Variants in CHRD observed in about 807,000 individuals in gnomAD.
CHRD encodes the protein chordin.
In CHRD, 69 loss-of-function variants were observed where a neutral mutation model predicts 113.7. That is an observed-to-expected ratio of 0.61 (90% CI 0.50 to 0.74). The LOEUF (loss-of-function observed/expected upper bound fraction) is 0.74, where lower values mean the gene tolerates loss of function less well. CHRD is among the 30% of genes least tolerant of loss of function. The probability of loss-of-function intolerance (pLI) is 0.00; values close to 1 mark genes in which losing one functional copy is unlikely to be tolerated. For missense variants in CHRD, 1,194 were observed against 1,295.8 expected (o/e 0.92, Z 1.21); for synonymous variants, 561 against 540.8 (o/e 1.04, Z -0.52).
exon 14 of CHRD, chr3:184,385,125 G>A: frequency 6.2e-7 from 1 of 1,614,204 alleles, no homozygotes; most frequent in South Asian, 1.1e-5. Context: ...GCACTATGAA[G>A]TGCTGCTGGC....
At chr3:184,389,613 G>T (rs1378097836) in exon 23 of CHRD, 3 of 583,782 alleles carry the variant, frequency 5.1e-6, no homozygotes, top group African/African-American at 1.9e-5. Flanking sequence ...GCCAGACCGA[G>T]GTCACAGCCA....
In CHRD at chr3:184,381,463, C is replaced by CTGAA. The variant is rs1715391970; in HGVS notation, c.383-32_383-29dup. 3 of 1,588,938 alleles carry CTGAA rather than the reference C, an allele frequency of 1.9e-6. No individual in the cohort carries two copies. Among genetic ancestry groups the CTGAA allele is most frequent in the Non-Finnish European group, 2.6e-6 (3 of 1,167,846 alleles). On this transcript the variant is annotated intron_variant, in intron 3 of 22. Coordinates refer to ENST00000204604, the Ensembl canonical transcript of CHRD. The surrounding 1 kb of genome is among the most constrained non-coding windows in gnomAD (Gnocchi z 4.7). ...TCGGACTGGCCTTTCCCATGGCCAGCTGAAGCCCGTGTTCTTACCCCCCCG... is the reference window on the plus strand; with the variant it reads ...TCGGACTGGCCTTTCCCATGGCCAGCTGAATGAAGCCCGTGTTCTTACCCCCCCG...
chr3:184,385,209 C>T (rs760703245), exon 14 of CHRD: 144 of 1,613,706 alleles, frequency 8.9e-5, no homozygotes, highest in Non-Finnish European at 1.1e-4. Context: ...AGGGCCTCGG[C>T]GGCTGCTGAA....
chr3:184,385,934 A>G (rs79419884), intron 14 of CHRD, 112 bp from the exon 15 acceptor site: 132,014 of 1,105,698 alleles, frequency 0.12, 8,993 homozygotes, highest in Admixed American at 0.26. Context: ...CTTTGCTACC[A>G]TGAAGACTTT....
Position 184,387,288 on chromosome 3 carries a change from G to A in CHRD, c.2348-86G>A. On this transcript the variant is annotated intron_variant, in intron 18 of 22. Coordinates refer to ENST00000204604, the Ensembl canonical transcript of CHRD. The surrounding 1 kb of genome is among the most constrained non-coding windows in gnomAD (Gnocchi z 6.1). Reference sequence around the variant, plus strand: ...AGGTGGGCCCTTGGCTTAGGCTCGTGTGGGGGTGGCCTGAGGCTCAAGCCT... The same window carrying A: ...AGGTGGGCCCTTGGCTTAGGCTCGTATGGGGGTGGCCTGAGGCTCAAGCCT... The A allele has an allele frequency of 1.4e-6, 2 of 1,477,276 alleles. No individual in the cohort carries two copies. The highest frequency in any genetic ancestry group is 1.8e-6 in the Non-Finnish European group (2 of 1,084,904). The allele number at this position is 1,477,276 out of a possible 1,614,324, so 91.5% of individuals were successfully genotyped here. A position where few individuals can be genotyped will look rare whatever the true frequency, so the allele number is the denominator to read the frequency against.
At position 184,384,480 on chromosome 3, in the gene CHRD, CT is replaced by C. The variant is rs1715972715; in HGVS notation, c.1441-55del. ...AGTGGGGGCACAAAATGGTCCAAGA[CT>C]TCAGAACCTTGGACTCGTGTGAGAG... On this transcript the variant is annotated intron_variant, in intron 12 of 22. Coordinates refer to ENST00000204604, the Ensembl canonical transcript of CHRD. This position sits in a 1 kb window ranked among gnomAD's most constrained non-coding sequence, Gnocchi z 4.4. 7.1e-7 allele frequency: 1 copy of C among 1,413,720 alleles called. No individual in the cohort carries two copies. 87.6% of individuals were successfully genotyped at this position (1,413,720 alleles called of 1,614,324 possible). A position where few individuals can be genotyped will look rare whatever the true frequency, so the allele number is the denominator to read the frequency against.
rs1348394288 is a variant in CHRD, at chr3:184,384,805, A to C, written c.1597+112A>C. 7.1e-7 allele frequency: 1 copy of C among 1,400,176 alleles called. No homozygotes were observed. The highest frequency in any genetic ancestry group is 9.5e-7 in the Non-Finnish European group (1 of 1,050,832). The allele number at this position is 1,400,176 out of a possible 1,614,324, so 86.7% of individuals were successfully genotyped here. On this transcript the variant is annotated intron_variant, in intron 13 of 22. Transcript: ENST00000204604. This position sits in a 1 kb window ranked among gnomAD's most constrained non-coding sequence, Gnocchi z 4.4. ...TCTTTGTGCCTAAGCTCCGGTTGCC[A>C]TCTGAAGGTGGGGACATATAGGGTG...
chr3:184,386,851 A>T (rs746802637), exon 17 of CHRD: 1 of 1,614,114 alleles, frequency 6.2e-7, no homozygotes, highest in Non-Finnish European at 8.5e-7. Context: ...GCAGAGACGA[A>T]CGGTGATCTG....
chr3:184,387,653 G>C lies in CHRD; in HGVS notation c.2451+176G>C, dbSNP rs1345315220. Among the ~76,000 whole-genome samples the C allele has an allele frequency of 6.6e-6, 1 of 152,194 alleles. No individual in the cohort carries two copies. The highest frequency in any genetic ancestry group is 2.4e-5 in the African/African-American group (1 of 41,444). Reference sequence around the variant, plus strand: ...TTCCTGTGGGAAAATGAACAGGGCTGACCTGGGTGTGGATTCTGGCTCTGC... The same window carrying C: ...TTCCTGTGGGAAAATGAACAGGGCTCACCTGGGTGTGGATTCTGGCTCTGC... On this transcript the variant is annotated intron_variant, in intron 19 of 22. Transcript: ENST00000204604. The surrounding 1 kb of genome is among the most constrained non-coding windows in gnomAD (Gnocchi z 6.1).
chr3:184,380,699 C>G lies in CHRD; in HGVS notation c.156C>G (p.Thr52=). ...CCAAGCCCGTCCCCGCAGGCTGCAC[C>G]TTCGGCGGGAAGGTCTATGCCTTGG... Residue 52 remains threonine, a synonymous_variant, in exon 2 of 23, where the codon ACC becomes ACG. Coordinates refer to ENST00000204604, the Ensembl canonical transcript of CHRD. The surrounding 1 kb of genome is among the most constrained non-coding windows in gnomAD (Gnocchi z 6.3). 1 of 1,587,478 alleles carries G rather than the reference C, an allele frequency of 6.3e-7. No homozygotes were observed. The highest frequency in any genetic ancestry group is 1.4e-5 in the African/African-American group (1 of 72,426).
exon 14 of CHRD, chr3:184,385,145 T>C: frequency 6.2e-7 from 1 of 1,614,128 alleles, no homozygotes; most frequent in Non-Finnish European, 8.5e-7. Context: ...CTGGGCTTGG[T>C]GGCTCAGAAC....
In CHRD at chr3:184,387,634, T is replaced by C. The variant is rs190788753; in HGVS notation, c.2451+157T>C. Among the ~76,000 whole-genome samples, 1 of 152,182 alleles carries C rather than the reference T, an allele frequency of 6.6e-6. No individual in the cohort carries two copies. Among genetic ancestry groups the C allele is most frequent in the East Asian group, 1.9e-4 (1 of 5,170 alleles). On this transcript the variant is annotated intron_variant, in intron 19 of 22. Coordinates refer to ENST00000204604, the Ensembl canonical transcript of CHRD. This position sits in a 1 kb window ranked among gnomAD's most constrained non-coding sequence, Gnocchi z 6.1. ...TTGCGCTCTGAGAGTCGGCTTCCTG[T>C]GGGAAAATGAACAGGGCTGACCTGG... is the stretch of plus-strand genomic sequence containing the variant.
intron 6 of CHRD, 158 bp downstream of exon 6, chr3:184,382,178 A>G (rs2108643593): frequency 1.6e-6 from 2 of 1,223,340 alleles, no homozygotes; most frequent in South Asian, 2.7e-5. Flanking sequence ...GCTCAGTAGG[A>G]TAATGTGATT....
rs1577386113 is a variant in CHRD at position 184,381,892 on chromosome 3, C to T, written c.612-41C>T. On this transcript the variant is annotated intron_variant, in intron 5 of 22. Coordinates refer to ENST00000204604, the Ensembl canonical transcript of CHRD. This position sits in a 1 kb window ranked among gnomAD's most constrained non-coding sequence, Gnocchi z 4.7. ...AAACTGGGAGAGCTGGGAGGGGCTGCTTTTGGCTCAGTCCGGCCTCACCCG... is the reference window on the plus strand; with the variant it reads ...AAACTGGGAGAGCTGGGAGGGGCTGTTTTTGGCTCAGTCCGGCCTCACCCG... 3 of 1,612,960 alleles carry T rather than the reference C, an allele frequency of 1.9e-6. No homozygotes were observed. In the Admixed American group the frequency reaches 5.0e-5, roughly 27 times the overall value.
In CHRD at chr3:184,387,368, C is replaced by T; in HGVS notation, c.2348-6C>T. ...CTAATGGCTGCTGGGCCCTGTTCCC[C>T]ACCAGGCTGCTATTTTGATGGTGAC... On this transcript the variant is annotated splice_polypyrimidine_tract_variant and splice_region_variant and intron_variant, in intron 18 of 22. Coordinates refer to ENST00000204604, the Ensembl canonical transcript of CHRD. This position sits in a 1 kb window ranked among gnomAD's most constrained non-coding sequence, Gnocchi z 6.1. The T allele has an allele frequency of 1.9e-6, 3 of 1,606,416 alleles. No homozygotes were observed. Among genetic ancestry groups the T allele is most frequent in the Non-Finnish European group, 2.5e-6 (3 of 1,176,620 alleles).
chr3:184,381,109 C>T lies in CHRD; in HGVS notation c.253-126C>T, dbSNP rs113858202. ...CTTGAGGCCCAGAGAGATGAAGTAG[C>T]TTGTCTAGGGTCACGCAGCTTGTAA... On this transcript the variant is annotated intron_variant, in intron 2 of 22. Transcript: ENST00000204604. The surrounding 1 kb of genome is among the most constrained non-coding windows in gnomAD (Gnocchi z 4.7). 9.2e-7 allele frequency: 1 copy of T among 1,090,744 alleles called. No individual in the cohort carries two copies. Among genetic ancestry groups the T allele is most frequent in the African/African-American group, 1.5e-5 (1 of 65,050 alleles). The allele number at this position is 1,090,744 out of a possible 1,614,324, so 67.6% of individuals were successfully genotyped here.
In CHRD at chr3:184,384,488, C is replaced by G. The variant is rs371315760; in HGVS notation, c.1441-49C>G. ...CACAAAATGGTCCAAGACTTCAGAACCTTGGACTCGTGTGAGAGCTGAGAA... is the reference window on the plus strand; with the variant it reads ...CACAAAATGGTCCAAGACTTCAGAAGCTTGGACTCGTGTGAGAGCTGAGAA... On this transcript the variant is annotated intron_variant, in intron 12 of 22. Transcript: ENST00000204604. This position sits in a 1 kb window ranked among gnomAD's most constrained non-coding sequence, Gnocchi z 4.4. 3.4e-5 allele frequency: 48 copies of G among 1,431,820 alleles called. No homozygotes were observed. The highest frequency in any genetic ancestry group is 4.2e-5 in the Non-Finnish European group (46 of 1,092,420). The allele number at this position is 1,431,820 out of a possible 1,614,324, so 88.7% of individuals were successfully genotyped here.
In CHRD at chr3:184,388,741, G is replaced by C. The variant is rs541378452; in HGVS notation, c.2709G>C (p.Gly903=). 2.2e-4 allele frequency: 357 copies of C among 1,613,948 alleles called. 2 individuals are homozygous for C. The South Asian group carries it at 3.7e-3, about 17-fold the overall frequency. The change falls in exon 21 of 23, where the codon GGG becomes GGC. Residue 903 remains glycine (G), a splice_region_variant and synonymous_variant. Transcript: ENST00000204604. The surrounding 1 kb of genome is among the most constrained non-coding windows in gnomAD (Gnocchi z 6.1). ...TGAGCTGTATCACCTGCAGATGTGG[G>C]GTAAGTGGGGAGCAGAGGCTTGTGT...
chr3:184,387,243 CATT>C lies in CHRD; in HGVS notation c.2348-129_2348-127del. 7.9e-7 allele frequency: 1 copy of C among 1,267,190 alleles called. No homozygotes were observed. Among genetic ancestry groups the C allele is most frequent in the Non-Finnish European group, 1.1e-6 (1 of 891,030 alleles). 78.5% of individuals were successfully genotyped at this position (1,267,190 alleles called of 1,614,324 possible). A position where few individuals can be genotyped will look rare whatever the true frequency, so the allele number is the denominator to read the frequency against. The stretch of plus-strand genomic sequence containing the variant: ...ATTCCAAGTGATGCCTGACAGGACT[CATT>C]AGTGTTACTGGCCCCCAGGTGGGCC... On this transcript the variant is annotated intron_variant, in intron 18 of 22. Transcript: ENST00000204604. This position sits in a 1 kb window ranked among gnomAD's most constrained non-coding sequence, Gnocchi z 6.1.
Sources: gnomAD v4.1 joint callset for allele counts (sites outside exome capture counted in the v4.1 genomes callset) on GRCh38, gnomAD v4.1.1 for gene constraint, Gnocchi (gnomAD v3.1) non-coding constraint, MANE v1.5 for transcripts, NCBI Gene and HGNC (gene_info 2026-07-23, HGNC 2026-07-21) for gene names.